Variants in DISC1 observed in about 807,000 individuals in gnomAD.
DISC1 encodes the protein DISC1 scaffold protein.
In DISC1, 57 loss-of-function variants were observed where a neutral mutation model predicts 84.5. The observed-to-expected ratio is 0.67, with a 90% CI of 0.55 to 0.84. The LOEUF is 0.84. Among genes scored for constraint, DISC1 ranks in the 40% least tolerant of loss-of-function variants. The pLI, the probability that DISC1 is intolerant of heterozygous loss-of-function variation, is 0.00. For missense variants in DISC1, 1,000 were observed against 1,057.8 expected (o/e 0.95, Z 0.76); for synonymous variants, 411 against 415.2 (o/e 0.99, Z 0.12).
intron 10 of DISC1, among the ~76,000 whole-genome samples, chr1:231,984,370 T>C (rs188653228): frequency 1.3e-5 from 2 of 152,246 alleles, no homozygotes; most frequent in Admixed American, 1.3e-4. Flanking sequence ...TATAGTTTGA[T>C]GGATTTCAGG....
At position 231,852,344 on chromosome 1, in the gene DISC1, G is replaced by C. The variant is rs202217468; in HGVS notation, c.1981+33827G>C. ...TTATTTATCTCAGGTTTTAGATGTG[G>C]AATGCTCCAAAACTATTCATTGGTT... On this transcript the variant is annotated intron_variant, in intron 9 of 12. Transcript: ENST00000439617. Among the ~76,000 whole-genome samples, 65 of 152,248 alleles carry C rather than the reference G, an allele frequency of 4.3e-4. 1 individual carries two copies. In the South Asian group the frequency reaches 8.7e-3, roughly 20 times the overall value.
rs1667825289 is a variant in DISC1, at chr1:232,009,416, C to T, written c.2307+367C>T. On this transcript the variant is annotated intron_variant, in intron 11 of 12. Coordinates refer to ENST00000439617, the MANE Select transcript of DISC1 (RefSeq NM_018662.3). The surrounding 1 kb of genome is among the most constrained non-coding windows in gnomAD (Gnocchi z 4.6). ...TATATATGCCATACATGATATTTAA[C>T]ATATATACTATACATTATGTATTGT... 7 of 653,964 alleles carry T rather than the reference C, an allele frequency of 1.1e-5. No individual in the cohort carries two copies. The highest frequency in any genetic ancestry group is 1.1e-5 in the Non-Finnish European group (6 of 521,820). The allele number at this position is 653,964 out of a possible 1,614,324, so 40.5% of individuals were successfully genotyped here.
Position 231,894,676 on chromosome 1 carries a change from AT to A in DISC1, c.1982-64148del, listed in dbSNP as rs539019394. Among the ~76,000 whole-genome samples the A allele has an allele frequency of 1.6e-4, 24 of 150,904 alleles. No homozygotes were observed. The South Asian group carries it at 5.0e-3, about 32-fold the overall frequency. On this transcript the variant is annotated intron_variant, in intron 9 of 12. Transcript: ENST00000439617. ...TGATGTGTTTGGTGTCAGAGATATA[AT>A]TTTGTCTTTTTACATATCAATCAGT... is the stretch of plus-strand genomic sequence containing the variant.
intron 3 of DISC1, among the ~76,000 whole-genome samples, chr1:231,749,678 A>G (rs893396221): frequency 1.3e-5 from 2 of 152,198 alleles, no homozygotes; most frequent in Non-Finnish European, 2.9e-5. Flanking sequence ...TATGACCATC[A>G]TATCACTATG....
chr1:231,944,615 C>A (rs1481156433), intron 9 of DISC1, among the ~76,000 whole-genome samples: 1 of 152,112 alleles, frequency 6.6e-6, no homozygotes, highest in Non-Finnish European at 1.5e-5. Flanking sequence ...GGTCAGCTTC[C>A]TGGGGAAGCC....
rs924066883 is a variant in DISC1, at chr1:231,685,429, T to G, written c.68-8397T>G. ...GAGGCCTCAAAATCATGGCAGGAGG[T>G]GAAAGGCACTTCTTTATTTTATCTT... On this transcript the variant is annotated intron_variant, in intron 1 of 12. Transcript: ENST00000439617. Among the ~76,000 whole-genome samples the G allele has an allele frequency of 3.2e-3, 484 of 151,920 alleles. 7 individuals carry two copies. Among genetic ancestry groups the G allele is most frequent in the African/African-American group, 0.011 (464 of 41,450 alleles).
At chr1:231,859,347 G>A (rs1386526787) in intron 9 of DISC1, among the ~76,000 whole-genome samples, 1 of 152,206 alleles carries the variant, frequency 6.6e-6, no homozygotes, top group Non-Finnish European at 1.5e-5. Flanking sequence ...CACAGTTCTG[G>A]AGGCTGGGAA....
intron 9 of DISC1, among the ~76,000 whole-genome samples, chr1:231,915,538 C>T (rs1558728506): frequency 2.0e-5 from 3 of 152,170 alleles, no homozygotes; most frequent in African/African-American, 7.2e-5. Context: ...AATCCCAGCA[C>T]TTTGGGAGGC....
intron 11 of DISC1, among the ~76,000 whole-genome samples, chr1:232,024,329 C>T (rs530991779): frequency 1.3e-5 from 2 of 152,194 alleles, no homozygotes; most frequent in East Asian, 3.9e-4. Context: ...ATTTGCAGTT[C>T]CCATTAGCAC....
chr1:231,760,339 C>T (rs2075547504), intron 4 of DISC1, among the ~76,000 whole-genome samples: 2 of 152,002 alleles, frequency 1.3e-5, no homozygotes, highest in South Asian at 4.1e-4. Context: ...TATGACTGGC[C>T]CAAACCCCTT....
At chr1:231,871,077 G>A (rs1007636900) in intron 9 of DISC1, among the ~76,000 whole-genome samples, 2 of 152,106 alleles carry the variant, frequency 1.3e-5, no homozygotes, top group African/African-American at 2.4e-5. Flanking sequence ...TACTGTGTGC[G>A]GGTCTCCACT....
chr1:231,991,714 G>A (rs1370492629), intron 10 of DISC1, among the ~76,000 whole-genome samples: 1 of 152,160 alleles, frequency 6.6e-6, no homozygotes, highest in Non-Finnish European at 1.5e-5. Context: ...ATTATAGGGT[G>A]TGTGTGGTTT....
chr1:231,706,582 CAT>C (rs1385135919), intron 3 of DISC1, among the ~76,000 whole-genome samples: 1 of 152,226 alleles, frequency 6.6e-6, no homozygotes, highest in Non-Finnish European at 1.5e-5. Flanking sequence ...ATCAATGTGA[CAT>C]ATAGAGCAGC....
intron 8 of DISC1, 36 bp downstream of exon 8, chr1:231,800,246 A>G (rs777560412): frequency 1.5e-5 from 23 of 1,502,012 alleles, no homozygotes; most frequent in Admixed American, 1.2e-4. Context: ...AAGCTATCCA[A>G]CTAAAATAAT....
chr1:231,842,684 C>A (rs1294793168), intron 9 of DISC1, among the ~76,000 whole-genome samples: 2 of 152,118 alleles, frequency 1.3e-5, no homozygotes, highest in Non-Finnish European at 2.9e-5. Flanking sequence ...TCCTCTTGTG[C>A]CACATCAGAG....
intron 8 of DISC1, among the ~76,000 whole-genome samples, chr1:231,804,221 A>G (rs2079527589): frequency 6.6e-6 from 1 of 152,162 alleles, no homozygotes; most frequent in Non-Finnish European, 1.5e-5. Flanking sequence ...CCACTATAAC[A>G]AGTCTCAATG....
At chr1:232,033,809 T>A (rs1413855244) in intron 12 of DISC1, among the ~76,000 whole-genome samples, 1 of 152,238 alleles carries the variant, frequency 6.6e-6, no homozygotes, top group Non-Finnish European at 1.5e-5. Context: ...ATGAAAGCAA[T>A]GCATTTCCAT....
At chr1:231,777,063 C>A (rs2077015831) in intron 6 of DISC1, among the ~76,000 whole-genome samples, 1 of 152,124 alleles carries the variant, frequency 6.6e-6, no homozygotes. Context: ...CACTTCTGGG[C>A]TTTGTCTTTC....
chr1:231,813,743 T>C (rs2080580752), intron 8 of DISC1, among the ~76,000 whole-genome samples: 1 of 152,182 alleles, frequency 6.6e-6, no homozygotes. Context: ...CCCATTGCTC[T>C]CTAACCTGGG....
Sources: gnomAD v4.1 joint callset for allele counts (sites outside exome capture counted in the v4.1 genomes callset) on GRCh38, gnomAD v4.1.1 for gene constraint, Gnocchi (gnomAD v3.1) non-coding constraint, MANE v1.5 for transcripts, NCBI Gene and HGNC (gene_info 2026-07-23, HGNC 2026-07-21) for gene names.